Variants in RIN2 observed in about 807,000 individuals in gnomAD.
The protein encoded by RIN2 is RAB5 interacting protein 2.
Under a neutral mutation model 78.0 loss-of-function variants are expected in RIN2, and 36 were observed. That is an observed-to-expected ratio of 0.46 (90% CI 0.35 to 0.61). The LOEUF (loss-of-function observed/expected upper bound fraction) is 0.61. Among genes scored for constraint, RIN2 ranks in the 20% least tolerant of loss-of-function variants. The probability of loss-of-function intolerance (pLI) is 0.00; values close to 1 mark genes in which losing one functional copy is unlikely to be tolerated. For synonymous variants in RIN2, 466 were observed against 466.8 expected (o/e 1.00, Z 0.02); for missense variants, 1,087 against 1,159.7 (o/e 0.94, Z 0.91).
At chr20:19,985,216 G>A (rs2042586390) in intron 9 of RIN2, among the ~76,000 whole-genome samples, 1 of 152,238 alleles carries the variant, frequency 6.6e-6, no homozygotes, top group Non-Finnish European at 1.5e-5. Context: ...AATCCATGCA[G>A]TAGGTGGTCA....
rs1316668777 is a variant in RIN2, at chr20:19,844,686, CTCTTCCTCTTCCTCTTCT to C, written c.-36-44874_-36-44857del. ...TTCTTCTTCCTTCTTCTTCTTCTTC[CTCTTCCTCTTCCTCTTCT>C]TCTTCTTCTTCTTCTTCTTCTTCTT... is the stretch of plus-strand genomic sequence containing the variant. On this transcript the variant is annotated intron_variant, in intron 2 of 12. Transcript: ENST00000255006. 6.0e-4 allele frequency among the ~76,000 whole-genome samples: 18 copies of C among 30,070 alleles called. 1 individual carries two copies. The highest frequency in any genetic ancestry group is 6.4e-4 in the Non-Finnish European group (10 of 15,708). The allele number at this position is 30,070 out of a possible 152,430, so 19.7% of individuals were successfully genotyped here.
At chr20:19,947,556 G>A (rs111966650) in intron 4 of RIN2, among the ~76,000 whole-genome samples, 1 of 152,136 alleles carries the variant, frequency 6.6e-6, no homozygotes, top group Non-Finnish European at 1.5e-5. Flanking sequence ...TGTTGTTTTT[G>A]TTTATTGATA....
rs370464072 is a variant in RIN2, at chr20:19,935,139, A to G, written c.98A>G (p.Gln33Arg). Residue 33 changes from glutamine (Q) to arginine (R), a missense_variant, in exon 4 of 13, where the codon CAG (glutamine) becomes CGG (arginine). Physicochemically the swap from Gln to Arg is conservative, Grantham distance 43. This residue lies in a region of RIN2 where 706 missense variants were observed against 667.5 expected (regional missense o/e 1.06). Transcript: ENST00000255006. ...GCCTCGGAGATCGGAGAACTGAAAC[A>G]GGAGATGGTGCGGACAGATGTCAAC... ...TIASEIGELKQEMVRTDVNLE... is the reference protein window; with the variant it reads ...TIASEIGELKREMVRTDVNLE... 1.3e-5 allele frequency: 21 copies of G among 1,604,878 alleles called. No individual in the cohort carries two copies. In the African/African-American group the frequency reaches 2.5e-4, roughly 19 times the overall value.
chr20:19,960,921 C>A, intron 6 of RIN2, 110 bp downstream of exon 6: 1 of 661,858 alleles, frequency 1.5e-6, no homozygotes, highest in South Asian at 2.0e-5. Flanking sequence ...GGGCCTGAGT[C>A]TTGGCACTGA....
chr20:19,782,152 A>C (rs2034530095), intron 1 of RIN2, among the ~76,000 whole-genome samples: 1 of 152,322 alleles, frequency 6.6e-6, no homozygotes, highest in African/African-American at 2.4e-5. Flanking sequence ...CAATGGATTG[A>C]CCACACTAGA....
intron 8 of RIN2, among the ~76,000 whole-genome samples, chr20:19,972,149 G>A (rs1206748449): frequency 6.6e-6 from 1 of 152,060 alleles, no homozygotes; most frequent in African/African-American, 2.4e-5. Context: ...TAAAACTCTC[G>A]GGCCATAGAA....
intron 2 of RIN2, among the ~76,000 whole-genome samples, chr20:19,845,336 T>G (rs2036746085): frequency 6.6e-6 from 1 of 152,190 alleles, no homozygotes; most frequent in East Asian, 1.9e-4. Flanking sequence ...TTGAACTAAT[T>G]TACACTCCCA....
intron 1 of RIN2, among the ~76,000 whole-genome samples, chr20:19,766,913 GAAAA>G (rs749280521): frequency 9.2e-6 from 1 of 109,040 alleles, no homozygotes; most frequent in African/African-American, 3.3e-5. Context: ...CTCCATCTCA[GAAAA>G]AAAAAAAAAA....
chr20:19,873,619 A>G (rs1158805375), intron 2 of RIN2, among the ~76,000 whole-genome samples: 2 of 152,180 alleles, frequency 1.3e-5, no homozygotes, highest in East Asian at 3.8e-4. Context: ...TTTGGCCTAG[A>G]GACCTTCTTT....
At chr20:19,979,960 C>A (rs1023221842) in intron 9 of RIN2, among the ~76,000 whole-genome samples, 5 of 147,828 alleles carry the variant, frequency 3.4e-5, no homozygotes, top group African/African-American at 1.3e-4. Context: ...AGGAGAATCA[C>A]TTGAACCCGG....
chr20:19,891,528 G>A (rs75119636), intron 3 of RIN2, among the ~76,000 whole-genome samples: 5 of 152,084 alleles, frequency 3.3e-5, no homozygotes, highest in Non-Finnish European at 7.4e-5. Flanking sequence ...GGCAAAAGAA[G>A]AAAATGGAGG....
rs199954296 is a variant in RIN2, at chr20:19,975,166, C to T, written c.1141C>T (p.Arg381Trp). The part of the protein sequence containing the change: ...EGGAKTLSGG[R>W]PGAGPELELG... ...CGGTGCAAAGACCTTGAGCGGCGGC[C>T]GGCCGGGCGCAGGCCCGGAGCTGGA... The change falls in exon 9 of 13, where the codon CGG becomes TGG. Residue 381 changes from arginine (R) to tryptophan (W), a missense_variant. Physicochemically the swap from Arg to Trp is moderately radical, Grantham distance 101. Transcript: ENST00000255006. The surrounding 1 kb of genome is among the most constrained non-coding windows in gnomAD (Gnocchi z 4.9). 2,620 of 1,611,470 alleles carry T rather than the reference C, an allele frequency of 1.6e-3. 2 individuals carry two copies. The highest frequency in any genetic ancestry group is 1.5e-3 in the Non-Finnish European group (1,814 of 1,179,218).
intron 2 of RIN2, among the ~76,000 whole-genome samples, chr20:19,822,461 G>A (rs192910206): frequency 7.9e-5 from 12 of 152,274 alleles, no homozygotes; most frequent in Middle Eastern, 6.8e-3. Flanking sequence ...CAAAAGCCAC[G>A]AATAGATTCT....
chr20:19,956,705 G>A lies in RIN2; in HGVS notation c.249G>A (p.Arg83=), dbSNP rs769359621. Residue 83 remains arginine (R), a synonymous_variant, in exon 5 of 13, where the codon AGG becomes AGA. Transcript: ENST00000255006. ...RDSGYDSLSN[R]LSILDRLLHT... is the part of the protein sequence containing the mutation. The stretch of plus-strand genomic sequence containing the variant: ...CAGGCTATGACAGCCTCTCCAACAG[G>A]CTCAGCATCTTGGACCGGCTCCTCC... 2 of 1,612,406 alleles carry A rather than the reference G, an allele frequency of 1.2e-6. No homozygotes were observed. Among genetic ancestry groups the A allele is most frequent in the Admixed American group, 1.7e-5 (1 of 59,820 alleles).
At chr20:19,890,837 T>G (rs1455711718) in intron 3 of RIN2, among the ~76,000 whole-genome samples, 1 of 152,220 alleles carries the variant, frequency 6.6e-6, no homozygotes, top group East Asian at 1.9e-4. Flanking sequence ...TTCGGGGATC[T>G]AGGCCTAAGT....
chr20:19,841,271 C>T (rs960705541), intron 2 of RIN2, among the ~76,000 whole-genome samples: 1 of 151,786 alleles, frequency 6.6e-6, no homozygotes, highest in African/African-American at 2.4e-5. Flanking sequence ...GCGTGAGCCA[C>T]CACACTCGGT....
At chr20:19,914,474 A>T (rs1000105192) in intron 3 of RIN2, among the ~76,000 whole-genome samples, 1 of 152,232 alleles carries the variant, frequency 6.6e-6, no homozygotes, top group African/African-American at 2.4e-5. Flanking sequence ...AAAAATTTGC[A>T]TTAAACAGTT....
At chr20:19,790,096 G>A (rs999869613) in intron 1 of RIN2, among the ~76,000 whole-genome samples, 6 of 152,058 alleles carry the variant, frequency 3.9e-5, no homozygotes, top group African/African-American at 1.4e-4. Context: ...AGGTGATCTG[G>A]CCTCTATAGA....
chr20:19,931,270 T>G (rs1328566008), intron 3 of RIN2, among the ~76,000 whole-genome samples: 1 of 152,122 alleles, frequency 6.6e-6, no homozygotes, highest in Non-Finnish European at 1.5e-5. Flanking sequence ...TGCATGCATT[T>G]ATAATTTTAA....
Sources: allele counts gnomAD v4.1 joint callset (sites outside exome capture counted in the v4.1 genomes callset), GRCh38; gene constraint gnomAD v4.1.1; regional missense constraint gnomAD v4.1.1; non-coding constraint Gnocchi (gnomAD v3.1); transcripts MANE v1.5; gene names NCBI Gene and HGNC (gene_info 2026-07-23, HGNC 2026-07-21).